The following TOGARAM1 variants were observed in gnomAD, a reference collection of about 807,000 sequenced individuals.
TOGARAM1 encodes the protein TOG array regulator of axonemal microtubules protein 1.
TOGARAM1 carries 100 observed loss-of-function variants against 166.6 expected under a neutral mutation model. The observed-to-expected ratio is 0.60, with a 90% CI of 0.51 to 0.71. The LOEUF (loss-of-function observed/expected upper bound fraction) is 0.71, where lower values mean the gene tolerates loss of function less well. Ranked by LOEUF, TOGARAM1 falls within the 30% of genes least tolerant of loss-of-function variation. The pLI, the probability that TOGARAM1 is intolerant of heterozygous loss-of-function variation, is 0.00. For missense variants in TOGARAM1, 2,029 were observed against 2,102.7 expected, an observed-to-expected ratio of 0.96 and a Z score of 0.69; for synonymous variants, 758 against 763.8, an observed-to-expected ratio of 0.99 and a Z score of 0.13.
intron 16 of TOGARAM1, among the ~76,000 whole-genome samples, chr14:45,064,502 G>C (rs930316570): frequency 6.6e-6 from 1 of 151,960 alleles, no homozygotes; most frequent in Non-Finnish European, 1.5e-5. Context: ...GCAGGGTCTT[G>C]CTCTGTCATC....
At chr14:44,992,912 C>T (rs376188540) in intron 1 of TOGARAM1, among the ~76,000 whole-genome samples, 6 of 151,320 alleles carry the variant, frequency 4.0e-5, no homozygotes, top group Non-Finnish European at 8.8e-5. Flanking sequence ...CCACCATGCC[C>T]GGCCTAATTT....
At position 45,066,862 on chromosome 14, in the gene TOGARAM1, G is replaced by A. The variant is rs117761751; in HGVS notation, c.4749+95G>A. Reference sequence around the variant, plus strand: ...AAGCCAAGGTAGAAGGATCTCTTGAGGCTAGGAGTTCAAAGTTCAAGCCCA... The same window carrying A: ...AAGCCAAGGTAGAAGGATCTCTTGAAGCTAGGAGTTCAAAGTTCAAGCCCA... On this transcript the variant is annotated intron_variant, in intron 17 of 19. Transcript: ENST00000361462. 400 of 1,012,998 alleles carry A rather than the reference G, an allele frequency of 3.9e-4. 3 individuals carry two copies. The East Asian group carries it at 9.2e-3, about 23-fold the overall frequency. The allele number at this position is 1,012,998 out of a possible 1,614,324, so 62.8% of individuals were successfully genotyped here.
At chr14:45,011,300 T>G (rs1435280065) in intron 6 of TOGARAM1, among the ~76,000 whole-genome samples, 1 of 152,084 alleles carries the variant, frequency 6.6e-6, no homozygotes, top group Admixed American at 6.6e-5. Context: ...TTAAGAATGA[T>G]TTGACTTGTT....
intron 6 of TOGARAM1, among the ~76,000 whole-genome samples, chr14:45,010,115 G>C (rs1210967007): frequency 6.6e-6 from 1 of 152,082 alleles, no homozygotes; most frequent in Non-Finnish European, 1.5e-5. Context: ...TTAGTGAATT[G>C]GAACTTCTAA....
intron 1 of TOGARAM1, among the ~76,000 whole-genome samples, chr14:44,994,713 G>A (rs1310701578): frequency 1.3e-5 from 2 of 152,000 alleles, no homozygotes; most frequent in East Asian, 1.9e-4. Context: ...GCTACTGCAC[G>A]TGGCCTCATC....
In TOGARAM1 at chr14:45,009,365, C is replaced by T. The variant is rs184885050; in HGVS notation, c.3137+220C>T. Among the ~76,000 whole-genome samples the T allele has an allele frequency of 7.9e-4, 120 of 152,288 alleles. No individual in the cohort carries two copies. In the Middle Eastern group the frequency reaches 0.01, roughly 13 times the overall value. ...ACACAACCCCAACTGTAAACCAGAG[C>T]ACCTAAATTAGTATAAACCCTGTTC... is the stretch of plus-strand genomic sequence containing the variant. On this transcript the variant is annotated intron_variant, in intron 6 of 19. Coordinates refer to ENST00000361462, the MANE Select transcript of TOGARAM1 (RefSeq NM_001308120.2).
At chr14:45,040,317 A>C (rs1881663866) in intron 11 of TOGARAM1, among the ~76,000 whole-genome samples, 2 of 152,224 alleles carry the variant, frequency 1.3e-5, no homozygotes, top group Non-Finnish European at 2.9e-5. Flanking sequence ...ATTAAAGAGG[A>C]ATATGTCACA....
At chr14:44,994,152 C>T (rs1036952033) in intron 1 of TOGARAM1, among the ~76,000 whole-genome samples, 9 of 152,042 alleles carry the variant, frequency 5.9e-5, no homozygotes, top group African/African-American at 2.2e-4. Context: ...TGTTGCCCAG[C>T]CTGGAGTGCA....
rs762244443 is a variant in TOGARAM1, at chr14:44,963,431, G to A, written c.1010G>A (p.Cys337Tyr). The A allele has an allele frequency of 1.2e-6, 2 of 1,614,176 alleles. No individual in the cohort carries two copies. The highest frequency in any genetic ancestry group is 1.7e-6 in the Non-Finnish European group (2 of 1,180,036). The change falls in exon 1 of 20, where the codon TGT becomes TAT. Residue 337 changes from cysteine to tyrosine, a missense_variant. Around this residue, in one of 2 missense-constraint regions of TOGARAM1, gnomAD observed 1,453 missense variants for 1,432.2 expected, o/e 1.01. Coordinates refer to ENST00000361462, the MANE Select transcript of TOGARAM1 (RefSeq NM_001308120.2). ...ASGFPEDPLP[C>Y]AVTLSNSNLK... ...GGATTTCCTGAAGATCCCCTTCCCT[G>A]TGCAGTGACTCTTTCCAACAGCAAT...
intron 11 of TOGARAM1, 82 bp downstream of exon 11, chr14:45,032,458 T>A: frequency 7.8e-7 from 1 of 1,288,580 alleles, no homozygotes; most frequent in Non-Finnish European, 1.1e-6. Context: ...TTGAAACACA[T>A]TTTCTATTAA....
intron 2 of TOGARAM1, 69 bp downstream of exon 2, chr14:44,995,971 A>G (rs182360945): frequency 2.6e-4 from 354 of 1,343,440 alleles, no homozygotes; most frequent in East Asian, 1.2e-3. Flanking sequence ...AGTGCATTCA[A>G]TGACTCATAG....
At position 45,046,648 on chromosome 14, in the gene TOGARAM1, G is replaced by A; in HGVS notation, c.4258G>A (p.Glu1420Lys). The A allele has an allele frequency of 7.3e-6, 10 of 1,371,720 alleles. No individual in the cohort carries two copies. Among genetic ancestry groups the A allele is most frequent in the Non-Finnish European group, 8.5e-6 (9 of 1,054,892 alleles). 85.0% of individuals were successfully genotyped at this position (1,371,720 alleles called of 1,614,324 possible). Residue 1420 changes from glutamate (E) to lysine (K), a missense_variant, in exon 14 of 20, where the codon GAA (glutamate) becomes AAA (lysine). By Grantham distance (56) the Glu-to-Lys change is moderately conservative. This residue lies in a region of TOGARAM1 where 576 missense variants were observed against 670.5 expected (regional missense o/e 0.86). Transcript: ENST00000361462. ...RILSAAKDMA[E>K]RILPAAAKFA... is the part of the protein sequence containing the mutation. ...TTTATCTGCAGCAAAGGATATGGCT[G>A]AACGCATATTACCAGCTGCTGCTAA...
chr14:45,062,810 T>C (rs1342245115), intron 16 of TOGARAM1, among the ~76,000 whole-genome samples: 1 of 152,218 alleles, frequency 6.6e-6, no homozygotes, highest in African/African-American at 2.4e-5. Flanking sequence ...TGATTTAAAA[T>C]ATTTTCAACA....
chr14:45,034,940 T>C (rs1881346540), intron 11 of TOGARAM1, among the ~76,000 whole-genome samples: 1 of 152,068 alleles, frequency 6.6e-6, no homozygotes, highest in Non-Finnish European at 1.5e-5. Context: ...GACAAAGACA[T>C]TGTAACTGTA....
chr14:45,009,298 T>C (rs1294493696), intron 6 of TOGARAM1, among the ~76,000 whole-genome samples, 153 bp downstream of exon 6: 1 of 152,222 alleles, frequency 6.6e-6, no homozygotes. Flanking sequence ...TTTACAGATA[T>C]TACCTTGCTT....
chr14:45,066,014 C>T (rs569948859), intron 16 of TOGARAM1, among the ~76,000 whole-genome samples: 1 of 152,296 alleles, frequency 6.6e-6, no homozygotes, highest in East Asian at 1.9e-4. Flanking sequence ...AGATAGTTTA[C>T]TGCGCCTAAA....
Position 45,004,178 on chromosome 14 carries a change from C to T in TOGARAM1, c.2456C>T (p.Pro819Leu), listed in dbSNP as rs756231171. The stretch of plus-strand genomic sequence containing the variant: ...GGAGCTTACATCCTTCCATCCTATC[C>T]TGTCTCATCACCTCGAACTAGTCCA... ...SPGAYILPSY[P>L]VSSPRTSPKH... Residue 819 changes from proline (P) to leucine (L), a missense_variant, in exon 4 of 20, where the codon CCT becomes CTT. By Grantham distance (98) the Pro-to-Leu change is moderately conservative. Transcript: ENST00000361462. 6.2e-7 allele frequency: 1 copy of T among 1,614,092 alleles called. No individual in the cohort carries two copies. Among genetic ancestry groups the T allele is most frequent in the East Asian group, 2.2e-5 (1 of 44,866 alleles).
Position 44,983,264 on chromosome 14 carries a change from A to G in TOGARAM1, c.2047-12482A>G, listed in dbSNP as rs1382361110. Among the ~76,000 whole-genome samples the G allele has an allele frequency of 2.0e-5, 3 of 152,338 alleles. No individual in the cohort carries two copies. In the East Asian group the frequency reaches 5.8e-4, roughly 29 times the overall value. On this transcript the variant is annotated intron_variant, in intron 1 of 19. Coordinates refer to ENST00000361462, the MANE Select transcript of TOGARAM1 (RefSeq NM_001308120.2). ...TATAGAGAGAGGTTAGCTTTGGGATAGAGGAGGAAGTCTTTTTCTCTGAAG... is the reference window on the plus strand; with the variant it reads ...TATAGAGAGAGGTTAGCTTTGGGATGGAGGAGGAAGTCTTTTTCTCTGAAG...
chr14:45,064,646 GTTTTTTGTA>G (rs961994291), intron 16 of TOGARAM1, among the ~76,000 whole-genome samples: 1 of 151,902 alleles, frequency 6.6e-6, no homozygotes, highest in African/African-American at 2.4e-5. Flanking sequence ...CACTCAGCTA[GTTTTTTGTA>G]TTTTTTGTAC....
Sources: allele counts gnomAD v4.1 joint callset (sites outside exome capture counted in the v4.1 genomes callset), GRCh38; gene constraint gnomAD v4.1.1; regional missense constraint gnomAD v4.1.1; transcripts MANE v1.5; gene names NCBI Gene and HGNC (gene_info 2026-07-23, HGNC 2026-07-21).